The following ITGAV variants were observed in gnomAD, a reference collection of about 807,000 sequenced individuals.
ITGAV encodes integrin subunit alpha V, also known as integrin alpha-V.
In ITGAV, 76 loss-of-function variants were observed where a neutral mutation model predicts 143.8. That is an observed-to-expected ratio of 0.53 (90% CI 0.44 to 0.64). The LOEUF is 0.64. Ranked by LOEUF, ITGAV falls within the 30% of genes least tolerant of loss-of-function variation. ITGAV has a pLI of 0.00. For missense variants in ITGAV, 1,193 were observed against 1,274.7 expected (o/e 0.94, Z 0.98); for synonymous variants, 453 against 446.7 (o/e 1.01, Z -0.18).
intron 20 of ITGAV, 64 bp downstream of exon 20, chr2:186,664,705 G>GTTC (rs1349066092): frequency 1.9e-6 from 3 of 1,584,302 alleles, no homozygotes; most frequent in Non-Finnish European, 2.6e-6. Flanking sequence ...TTAATGAGCT[G>GTTC]TTCCCCTATT....
chr2:186,670,024 A>G, intron 26 of ITGAV: 1 of 501,310 alleles, frequency 2.0e-6, no homozygotes, highest in Non-Finnish European at 3.5e-6. Context: ...GGCTAATAAA[A>G]CTAGTTTATG....
At chr2:186,656,523 G>A in intron 17 of ITGAV, 122 bp downstream of exon 17, 1 of 715,644 alleles carries the variant, frequency 1.4e-6, no homozygotes, top group Non-Finnish European at 2.2e-6. Context: ...AATACACAAA[G>A]GAAATTTAGC....
intron 5 of ITGAV, among the ~76,000 whole-genome samples, chr2:186,632,001 T>C (rs1172607726): frequency 6.6e-6 from 1 of 152,236 alleles, no homozygotes; most frequent in African/African-American, 2.4e-5. Context: ...CATTCCAGCC[T>C]GGGCAACAGA....
rs1689272565 is a variant in ITGAV at position 186,678,459 on chromosome 2, C to T, written c.*1167C>T. 4.9e-6 allele frequency: 1 copy of T among 203,638 alleles called. No individual in the cohort carries two copies. 12.6% of individuals were successfully genotyped at this position (203,638 alleles called of 1,614,324 possible). ...ATAGCATGATGTTACAGGAATATTA[C>T]CTCTGTTTAAGCAAGGTAATGTGTA... On this transcript the variant is annotated 3_prime_UTR_variant, in exon 30 of 30. Coordinates refer to ENST00000261023, the MANE Select transcript of ITGAV (RefSeq NM_002210.5).
chr2:186,595,140 A>T (rs1686711300), intron 1 of ITGAV, among the ~76,000 whole-genome samples: 1 of 152,246 alleles, frequency 6.6e-6, no homozygotes, highest in Non-Finnish European at 1.5e-5. Flanking sequence ...GTACTATTTC[A>T]TACACATTTA....
At chr2:186,595,068 G>T (rs944592567) in intron 1 of ITGAV, among the ~76,000 whole-genome samples, 4 of 152,114 alleles carry the variant, frequency 2.6e-5, no homozygotes, top group Admixed American at 2.0e-4. Context: ...ATTCAAAAAA[G>T]CATTTTTTAA....
chr2:186,667,582 A>G, intron 23 of ITGAV, 89 bp from the exon 24 acceptor site: 1 of 592,800 alleles, frequency 1.7e-6, no homozygotes, highest in Non-Finnish European at 2.9e-6. Context: ...AATTTTATTT[A>G]TTTGAGTAAT....
At chr2:186,592,756 G>C (rs915760806) in intron 1 of ITGAV, among the ~76,000 whole-genome samples, 2 of 151,826 alleles carry the variant, frequency 1.3e-5, no homozygotes, top group Non-Finnish European at 2.9e-5. Context: ...ATTGAACTTG[G>C]GTTTGGTTGC....
At chr2:186,654,968 A>G (rs969686485) in intron 16 of ITGAV, among the ~76,000 whole-genome samples, 2 of 152,218 alleles carry the variant, frequency 1.3e-5, no homozygotes, top group Non-Finnish European at 2.9e-5. Flanking sequence ...TAGAAGTTTA[A>G]GCAGTTACGA....
intron 3 of ITGAV, among the ~76,000 whole-genome samples, chr2:186,622,812 G>A (rs1352223226): frequency 6.6e-6 from 1 of 151,912 alleles, no homozygotes; most frequent in Non-Finnish European, 1.5e-5. Flanking sequence ...ACCCAGGCTG[G>A]AGTGCAGTGG....
Position 186,646,884 on chromosome 2 carries a change from T to C in ITGAV, c.1351+7T>C. Reference sequence around the variant, plus strand: ...GACAAAAATGGATATCCAGGTGCTTTCTTATCAACACATAGAGCCCTTAGA... The same window carrying C: ...GACAAAAATGGATATCCAGGTGCTTCCTTATCAACACATAGAGCCCTTAGA... On this transcript the variant is annotated splice_region_variant and intron_variant, in intron 13 of 29. Transcript: ENST00000261023. 1 of 1,564,746 alleles carries C rather than the reference T, an allele frequency of 6.4e-7. No homozygotes were observed. Among genetic ancestry groups the C allele is most frequent in the Non-Finnish European group, 8.7e-7 (1 of 1,148,166 alleles).
At chr2:186,665,691 A>T (rs568567200) in intron 21 of ITGAV, among the ~76,000 whole-genome samples, 1 of 152,208 alleles carries the variant, frequency 6.6e-6, no homozygotes, top group Non-Finnish European at 1.5e-5. Context: ...GAAGCAGCCA[A>T]TGGCTTGCTT....
intron 18 of ITGAV, among the ~76,000 whole-genome samples, chr2:186,659,865 A>G (rs771355051): frequency 4.6e-4 from 69 of 151,138 alleles, no homozygotes; most frequent in Admixed American, 1.7e-3. Context: ...TCTAATTTTT[A>G]TATTTTAACA....
intron 1 of ITGAV, among the ~76,000 whole-genome samples, chr2:186,599,741 C>T (rs1317786543): frequency 6.6e-6 from 1 of 152,218 alleles, no homozygotes; most frequent in Non-Finnish European, 1.5e-5. Context: ...CCTGTAAGTA[C>T]TTAATCTGCC....
At chr2:186,594,247 A>T (rs1686688602) in intron 1 of ITGAV, among the ~76,000 whole-genome samples, 1 of 152,208 alleles carries the variant, frequency 6.6e-6, no homozygotes, top group Non-Finnish European at 1.5e-5. Flanking sequence ...TTGACTAAAA[A>T]GTCTTCACCA....
chr2:186,642,594 G>A (rs1181403692), intron 12 of ITGAV, among the ~76,000 whole-genome samples: 1 of 147,248 alleles, frequency 6.8e-6, no homozygotes, highest in Non-Finnish European at 1.5e-5. Context: ...GAATGCAGTG[G>A]TGCAATCATG....
chr2:186,667,349 G>T, intron 23 of ITGAV, 119 bp downstream of exon 23: 1 of 694,668 alleles, frequency 1.4e-6, no homozygotes, highest in Non-Finnish European at 2.4e-6. Context: ...TTTTACTAGG[G>T]CATTAGCTTC....
rs75287695 is a variant in ITGAV, at chr2:186,614,627, T to C, written c.317-7712T>C. 0.011 allele frequency among the ~76,000 whole-genome samples: 1,599 copies of C among 152,124 alleles called. 75 individuals carry two copies. The East Asian group carries it at 0.13, about 13-fold the overall frequency. ...CTGTCATTTCTGGTAAGCTTGAGTC[T>C]TTTTTCATATGCTTATTAGCTCTTT... On this transcript the variant is annotated intron_variant, in intron 2 of 29. Coordinates refer to ENST00000261023, the MANE Select transcript of ITGAV (RefSeq NM_002210.5).
chr2:186,621,064 TG>T (rs1327838986), intron 2 of ITGAV, among the ~76,000 whole-genome samples: 1 of 152,192 alleles, frequency 6.6e-6, no homozygotes, highest in African/African-American at 2.4e-5. Flanking sequence ...TTTATGGCTT[TG>T]TTTTATGTTT....
Sources: gnomAD v4.1 joint callset for allele counts (sites outside exome capture counted in the v4.1 genomes callset) on GRCh38, gnomAD v4.1.1 for gene constraint, MANE v1.5 for transcripts, NCBI Gene and HGNC (gene_info 2026-07-23, HGNC 2026-07-21) for gene names.